Variants in C2orf72 observed in about 807,000 individuals in gnomAD.
C2orf72 encodes the protein chromosome 2 open reading frame 72.
A neutral mutation model predicts 14.4 loss-of-function variants in C2orf72; 16 were observed. The ratio of observed to expected loss-of-function variants is 1.11; its 90% CI spans 0.75 to 1.69. The LOEUF is 1.69. Ranked by LOEUF, C2orf72 falls within the 40% of genes most tolerant of loss-of-function variation. The probability of loss-of-function intolerance (pLI) is 0.00; values close to 1 mark genes in which losing one functional copy is unlikely to be tolerated. For missense variants in C2orf72, 371 were observed against 358.3 expected (o/e 1.04, Z -0.29); for synonymous variants, 168 against 176.8 (o/e 0.95, Z 0.40).
In C2orf72 at chr2:231,041,414, G is replaced by A. The variant is rs772133998; in HGVS notation, c.748+5G>A. On this transcript the variant is annotated splice_donor_5th_base_variant and intron_variant, in intron 2 of 2. Transcript: ENST00000373640. ...CCTGCAGAAGCTCAGCTCAGGGTGA[G>A]TGCTCCCCGACCTCCTGCATCCTGA... 1.6e-5 allele frequency: 24 copies of A among 1,547,020 alleles called. No homozygotes were observed. Among genetic ancestry groups the A allele is most frequent in the Non-Finnish European group, 2.0e-5 (23 of 1,143,466 alleles).
intron 2 of C2orf72, among the ~76,000 whole-genome samples, chr2:231,044,562 A>T (rs183633624): frequency 4.0e-5 from 6 of 151,646 alleles, no homozygotes; most frequent in Non-Finnish European, 7.4e-5. Flanking sequence ...AAGCTTTTTC[A>T]CTCTTTTGTA....
chr2:231,041,441 G>A, intron 2 of C2orf72, 32 bp downstream of exon 2: 1 of 1,482,468 alleles, frequency 6.7e-7, no homozygotes, highest in African/African-American at 1.4e-5. Flanking sequence ...GCATCCTGAG[G>A]GCCAGGTGCA....
Position 231,046,960 on chromosome 2 carries a change from G to T in C2orf72, c.827G>T (p.Gly276Val), listed in dbSNP as rs1477736610. ...GGAGACTGTGATGACCTTGGAAGGGGGTCAAAAGCCTGTGATGGAGTCGTA... is the reference window on the plus strand; with the variant it reads ...GGAGACTGTGATGACCTTGGAAGGGTGTCAAAAGCCTGTGATGGAGTCGTA... ...PNGDCDDLGR[G>V]SKACDGVVHT... The change falls in exon 3 of 3, where the codon GGG becomes GTG. Residue 276 changes from glycine (G) to valine (V), a missense_variant. By Grantham distance (109) the Gly-to-Val change is moderately radical. Transcript: ENST00000373640. 1 of 1,551,496 alleles carries T rather than the reference G, an allele frequency of 6.4e-7. No homozygotes were observed. The highest frequency in any genetic ancestry group is 8.7e-7 in the Non-Finnish European group (1 of 1,146,988).
rs1693453784 is a variant in C2orf72, at chr2:231,048,828, T to C, written c.*1807T>C. The C allele has an allele frequency of 6.6e-6, 1 of 152,210 alleles. No individual in the cohort carries two copies. Among genetic ancestry groups the C allele is most frequent in the African/African-American group, 2.4e-5 (1 of 41,446 alleles). 9.4% of individuals were successfully genotyped at this position (152,210 alleles called of 1,614,324 possible). ...AATGAATTGTGATTCACTGATTTTA[T>C]TGATTTTGTTTTAAAACAGGGAGAC... On this transcript the variant is annotated 3_prime_UTR_variant, in exon 3 of 3. Transcript: ENST00000373640.
chr2:231,038,223 G>T, intron 1 of C2orf72, 24 bp downstream of exon 1: 1 of 1,180,646 alleles, frequency 8.5e-7, no homozygotes, highest in South Asian at 4.2e-5. Context: ...GGGCCCGGCT[G>T]GGCGCGGGCG....
intron 2 of C2orf72, among the ~76,000 whole-genome samples, chr2:231,041,668 C>T (rs1693341771): frequency 6.6e-6 from 1 of 152,012 alleles, no homozygotes; most frequent in African/African-American, 2.4e-5. Context: ...AAGGTGTCTC[C>T]AGGAGCATGG....
intron 1 of C2orf72, 159 bp from the exon 2 acceptor site, chr2:231,041,137 A>G: frequency 1.8e-6 from 1 of 548,112 alleles, no homozygotes; most frequent in Non-Finnish European, 3.2e-6. Flanking sequence ...CGGTTTTAAA[A>G]ACCCACCCAC....
chr2:231,041,066 G>A (rs1693333232), intron 1 of C2orf72: 1 of 426,388 alleles, frequency 2.3e-6, no homozygotes, highest in South Asian at 4.2e-5. Context: ...TACATCACAG[G>A]GCTTTTGTAA....
Position 231,047,611 on chromosome 2 carries a change from G to T in C2orf72, c.*590G>T. ...TGGGGGCACCCCTGGCATCTAGTGG[G>T]CATCCCACAATGTGCAGAACAGTCT... On this transcript the variant is annotated 3_prime_UTR_variant, in exon 3 of 3. Coordinates refer to ENST00000373640, the MANE Select transcript of C2orf72 (RefSeq NM_001144994.2). 4.5e-6 allele frequency: 1 copy of T among 223,208 alleles called. No individual in the cohort carries two copies. Among genetic ancestry groups the T allele is most frequent in the Non-Finnish European group, 9.1e-6 (1 of 109,704 alleles). The allele number at this position is 223,208 out of a possible 1,614,324, so 13.8% of individuals were successfully genotyped here.
chr2:231,037,920 C>T lies in C2orf72; in HGVS notation c.355C>T (p.Arg119Trp). ...VLCRASSLAA[R>W]EPRRRLREML... ...GTGCCGCGCGTCGTCGCTGGCCGCCCGGGAGCCGCGGCGCCGCCTGCGGGA... is the reference window on the plus strand; with the variant it reads ...GTGCCGCGCGTCGTCGCTGGCCGCCTGGGAGCCGCGGCGCCGCCTGCGGGA... The change falls in exon 1 of 3, where the codon CGG becomes TGG. Residue 119 changes from arginine to tryptophan, a missense_variant. Physicochemically the swap from Arg to Trp is moderately radical, Grantham distance 101 (BLOSUM62 -3). Around this residue, in one of 3 missense-constraint regions of C2orf72, gnomAD observed 214 missense variants for 178.7 expected, o/e 1.20. Transcript: ENST00000373640. The T allele has an allele frequency of 9.7e-7, 1 of 1,027,660 alleles. No homozygotes were observed. The highest frequency in any genetic ancestry group is 1.2e-6 in the Non-Finnish European group (1 of 859,162). The allele number at this position is 1,027,660 out of a possible 1,614,324, so 63.7% of individuals were successfully genotyped here.
In C2orf72 at chr2:231,038,184, G is replaced by A; in HGVS notation, c.619G>A (p.Gly207Arg). 8.7e-7 allele frequency: 1 copy of A among 1,153,788 alleles called. No individual in the cohort carries two copies. The highest frequency in any genetic ancestry group is 1.1e-6 in the Non-Finnish European group (1 of 938,832). The allele number at this position is 1,153,788 out of a possible 1,614,324, so 71.5% of individuals were successfully genotyped here. Residue 207 changes from glycine (G) to arginine (R), a missense_variant, in exon 1 of 3, where the codon GGA becomes AGA. By Grantham distance (125) the Gly-to-Arg change is moderately radical (BLOSUM62 -2). Transcript: ENST00000373640. ...AAACRALQAA[G>R]AGQPVEGAWE... ...CGCCTGCAGGGCCCTGCAAGCCGCC[G>A]GAGCCGGGCAACCAGGTGAGACTGC...
chr2:231,038,327 C>A, intron 1 of C2orf72, 128 bp downstream of exon 1: 1 of 766,692 alleles, frequency 1.3e-6, no homozygotes, highest in South Asian at 6.4e-5. Flanking sequence ...AGGGAGGTGC[C>A]TAGAGCCAGG....
intron 2 of C2orf72, among the ~76,000 whole-genome samples, chr2:231,042,483 G>T (rs889487552): frequency 3.9e-5 from 6 of 152,118 alleles, no homozygotes; most frequent in Non-Finnish European, 8.8e-5. Flanking sequence ...GGACTGTACC[G>T]CAGGTAACTG....
intron 1 of C2orf72, among the ~76,000 whole-genome samples, chr2:231,039,007 GA>G (rs1693302482): frequency 6.6e-6 from 1 of 152,072 alleles, no homozygotes; most frequent in South Asian, 2.1e-4. Flanking sequence ...GGCTTTACAG[GA>G]ACTCTCCAAT....
intron 2 of C2orf72, among the ~76,000 whole-genome samples, chr2:231,042,794 C>T (rs1390864634): frequency 1.3e-5 from 2 of 152,224 alleles, no homozygotes; most frequent in African/African-American, 4.8e-5. Flanking sequence ...GACCTGAGGT[C>T]AGGAGTTCAA....
chr2:231,041,698 A>G (rs1466590230), intron 2 of C2orf72, among the ~76,000 whole-genome samples: 2 of 152,060 alleles, frequency 1.3e-5, no homozygotes, highest in Admixed American at 1.3e-4. Flanking sequence ...TGGGACGTGC[A>G]TGGGACCAAA....
At chr2:231,045,078 C>T (rs1380920788) in intron 2 of C2orf72, among the ~76,000 whole-genome samples, 2 of 151,542 alleles carry the variant, frequency 1.3e-5, no homozygotes, top group Non-Finnish European at 2.9e-5. Context: ...GCCTGGCCCA[C>T]ATGGTGAAAC....
In C2orf72 at chr2:231,037,657, G is replaced by C. The variant is rs766632216; in HGVS notation, c.92G>C (p.Gly31Ala). Residue 31 changes from glycine (G) to alanine (A), a missense_variant, in exon 1 of 3, where the codon GGG becomes GCG. Around this residue, in one of 3 missense-constraint regions of C2orf72, gnomAD observed 214 missense variants for 178.7 expected, o/e 1.20. Coordinates refer to ENST00000373640, the MANE Select transcript of C2orf72 (RefSeq NM_001144994.2). ...TTGGTGGAAGCGGCGGGGGGCCGCG[G>C]GCAGGTGCTGCTGGTGGGCGAGCTG... Reference protein sequence around the residue: ...QALVEAAGGRGQVLLVGELWE... With the variant: ...QALVEAAGGRAQVLLVGELWE... 8 of 1,119,136 alleles carry C rather than the reference G, an allele frequency of 7.1e-6. No individual in the cohort carries two copies. The highest frequency in any genetic ancestry group is 8.8e-6 in the Non-Finnish European group (8 of 912,434). 69.3% of individuals were successfully genotyped at this position (1,119,136 alleles called of 1,614,324 possible). A position where few individuals can be genotyped will look rare whatever the true frequency, so the allele number is the denominator to read the frequency against.
intron 1 of C2orf72, among the ~76,000 whole-genome samples, chr2:231,039,805 C>A (rs1403189897): frequency 6.6e-6 from 1 of 151,300 alleles, no homozygotes; most frequent in Non-Finnish European, 1.5e-5. Flanking sequence ...TGCAATGATG[C>A]GATCTCTGCT....
Sources: gnomAD v4.1 joint callset for allele counts (sites outside exome capture counted in the v4.1 genomes callset) on GRCh38, gnomAD v4.1.1 for gene constraint, gnomAD v4.1.1 regional missense constraint, MANE v1.5 for transcripts, NCBI Gene and HGNC (gene_info 2026-07-23, HGNC 2026-07-21) for gene names.